Variants in PPP1R11 observed in about 807,000 individuals in gnomAD.
PPP1R11 encodes the protein protein phosphatase 1 regulatory inhibitor subunit 11.
Under a neutral mutation model 11.3 loss-of-function variants are expected in PPP1R11, and 10 were observed. The observed-to-expected ratio is 0.88, with a 90% CI of 0.55 to 1.50. PPP1R11 has a LOEUF of 1.50. Ranked by LOEUF, PPP1R11 falls within the 40% of genes most tolerant of loss-of-function variation. PPP1R11 has a pLI of 0.00. For synonymous variants in PPP1R11, 56 were observed against 62.3 expected (o/e 0.90, Z 0.48); for missense variants, 114 against 179.1 (o/e 0.64, Z 2.07).
chr6:30,067,588 G>A (rs1765634744), intron 1 of PPP1R11, 109 bp downstream of exon 1: 6 of 1,349,172 alleles, frequency 4.4e-6, no homozygotes, highest in Non-Finnish European at 5.3e-6. Flanking sequence ...GATATGGGAG[G>A]TGTGGGGTTG....
chr6:30,064,685 G>C, upstream of PPP1R11: 1 of 1,608,882 alleles, frequency 6.2e-7, no homozygotes, highest in Non-Finnish European at 8.5e-7. Flanking sequence ...TCCAGGAGAA[G>C]GAAGACTCTT....
upstream of PPP1R11, among the ~76,000 whole-genome samples, chr6:30,063,623 GCTGT>G (rs1389579463): frequency 1.3e-5 from 2 of 151,824 alleles, no homozygotes; most frequent in Non-Finnish European, 2.9e-5. The surrounding 1 kb of genome is among the most constrained non-coding windows in gnomAD (Gnocchi z 4.1). Context: ...TTTTGTTTCT[GCTGT>G]CTCTCTCATA....
upstream of PPP1R11, chr6:30,062,355 T>A (rs1765153118): frequency 6.7e-7 from 1 of 1,496,496 alleles, no homozygotes; most frequent in South Asian, 1.1e-5. Context: ...TTCCCCTCCC[T>A]CTGCTCAGTC....
chr6:30,063,672 T>C (rs1332543043), upstream of PPP1R11, among the ~76,000 whole-genome samples: 1 of 152,222 alleles, frequency 6.6e-6, no homozygotes, highest in African/African-American at 2.4e-5. The surrounding 1 kb of genome is among the most constrained non-coding windows in gnomAD (Gnocchi z 4.1). Context: ...TTTTTGACTA[T>C]AAATTCGAGT....
At chr6:30,062,693 G>C (rs746362792), upstream of PPP1R11, among the ~76,000 whole-genome samples, 19 of 126,708 alleles carry the variant, frequency 1.5e-4, no homozygotes, top group Non-Finnish European at 2.5e-4. Flanking sequence ...TGGGACCACA[G>C]ACACATGCCA....
chr6:30,068,569 T>C (rs753894681), intron 1 of PPP1R11, 21 bp from the exon 2 acceptor site: 1 of 1,598,274 alleles, frequency 6.3e-7, no homozygotes, highest in Non-Finnish European at 8.6e-7. Context: ...TAGATAGGTA[T>C]GCTCATCCTT....
intron 1 of PPP1R11, chr6:30,068,369 T>C (rs1765683150): frequency 2.5e-6 from 1 of 403,350 alleles, no homozygotes; most frequent in African/African-American, 2.1e-5. Context: ...GAATTGTGTC[T>C]TCTCTTATAC....
intron 2 of PPP1R11, 99 bp downstream of exon 2, chr6:30,068,797 G>A: frequency 9.3e-7 from 1 of 1,077,898 alleles, no homozygotes; most frequent in Non-Finnish European, 1.3e-6. Flanking sequence ...GCCCCCAGAT[G>A]TTCATAGTTC....
chr6:30,067,207 G>A lies in PPP1R11; in HGVS notation c.-204G>A. The A allele has an allele frequency of 1.9e-6, 1 of 539,172 alleles. No homozygotes were observed. Among genetic ancestry groups the A allele is most frequent in the Non-Finnish European group, 3.3e-6 (1 of 298,780 alleles). The allele number at this position is 539,172 out of a possible 1,614,324, so 33.4% of individuals were successfully genotyped here. A position where few individuals can be genotyped will look rare whatever the true frequency, so the allele number is the denominator to read the frequency against. On this transcript the variant is annotated 5_prime_UTR_variant, in exon 1 of 3. Transcript: ENST00000376772. Reference sequence around the variant, plus strand: ...GGGGACTGCAGTATGCGTCACACCCGGAAGCGGCGAGCCGGAAGTGGGGTT... The same window carrying A: ...GGGGACTGCAGTATGCGTCACACCCAGAAGCGGCGAGCCGGAAGTGGGGTT...
chr6:30,069,387 C>T lies in PPP1R11; in HGVS notation c.*81C>T. 2 of 1,107,972 alleles carry T rather than the reference C, an allele frequency of 1.8e-6. No homozygotes were observed. Among genetic ancestry groups the T allele is most frequent in the Non-Finnish European group, 2.6e-6 (2 of 777,022 alleles). The allele number at this position is 1,107,972 out of a possible 1,614,324, so 68.6% of individuals were successfully genotyped here. A position where few individuals can be genotyped will look rare whatever the true frequency, so the allele number is the denominator to read the frequency against. On this transcript the variant is annotated 3_prime_UTR_variant, in exon 3 of 3. Transcript: ENST00000376772. The surrounding 1 kb of genome is among the most constrained non-coding windows in gnomAD (Gnocchi z 6.6). ...GCTACTTCTCCAGCCCCCTCCTTCC[C>T]TCTCTTCTGCCTGATAGAGGGAAGA...
In PPP1R11 at chr6:30,069,001, G is replaced by A; in HGVS notation, c.179-103G>A. 4 of 1,219,362 alleles carry A rather than the reference G, an allele frequency of 3.3e-6. No individual in the cohort carries two copies. The highest frequency in any genetic ancestry group is 1.4e-5 in the South Asian group (1 of 71,476). 75.5% of individuals were successfully genotyped at this position (1,219,362 alleles called of 1,614,324 possible). A position where few individuals can be genotyped will look rare whatever the true frequency, so the allele number is the denominator to read the frequency against. The stretch of plus-strand genomic sequence containing the variant: ...GGCCTGGGGAAGCTGGATCCTGGAA[G>A]GTAGGAGAAAATAGGAATTTTCACT... On this transcript the variant is annotated intron_variant, in intron 2 of 2. Coordinates refer to ENST00000376772, the MANE Select transcript of PPP1R11 (RefSeq NM_021959.3). The surrounding 1 kb of genome is among the most constrained non-coding windows in gnomAD (Gnocchi z 6.6).
chr6:30,069,653 C>T lies in PPP1R11; in HGVS notation c.*347C>T, dbSNP rs1178880829. ...GTAGCGAACACTTAAATTGGGTTTT[C>T]AACAGTCCCAGCTTTCACTGCCAGG... On this transcript the variant is annotated 3_prime_UTR_variant, in exon 3 of 3. Coordinates refer to ENST00000376772, the MANE Select transcript of PPP1R11 (RefSeq NM_021959.3). The surrounding 1 kb of genome is among the most constrained non-coding windows in gnomAD (Gnocchi z 6.6). 3.4e-6 allele frequency: 1 copy of T among 293,748 alleles called. No homozygotes were observed. Among genetic ancestry groups the T allele is most frequent in the Non-Finnish European group, 6.3e-6 (1 of 159,358 alleles). 18.2% of individuals were successfully genotyped at this position (293,748 alleles called of 1,614,324 possible). A position where few individuals can be genotyped will look rare whatever the true frequency, so the allele number is the denominator to read the frequency against.
At chr6:30,068,264 A>G (rs996911030) in intron 1 of PPP1R11, 4 of 199,914 alleles carry the variant, frequency 2.0e-5, no homozygotes, top group Non-Finnish European at 3.0e-5. Context: ...ATTTTCATGT[A>G]TTAATACTAC....
the PPP1R11 span, chr6:30,061,693 C>T: frequency 3.7e-6 from 6 of 1,612,014 alleles, 1 homozygote; most frequent in South Asian, 3.3e-5. The surrounding 1 kb of genome is among the most constrained non-coding windows in gnomAD (Gnocchi z 5.0). Flanking sequence ...ACGCAGGGGT[C>T]CTGGCGGAGG....
At chr6:30,062,722 T>C (rs1434593925), upstream of PPP1R11, among the ~76,000 whole-genome samples, 2 of 107,390 alleles carry the variant, frequency 1.9e-5, no homozygotes, top group African/African-American at 3.5e-5. Context: ...GGCTTTTTTT[T>C]TTTTTTTTTT....
upstream of PPP1R11, chr6:30,064,964 A>G: frequency 2.8e-6 from 1 of 363,184 alleles, no homozygotes; most frequent in Non-Finnish European, 4.9e-6. Context: ...ATGAGTTTCC[A>G]GAGATATATT....
upstream of PPP1R11, chr6:30,064,736 C>G: frequency 6.3e-7 from 1 of 1,596,696 alleles, no homozygotes; most frequent in Non-Finnish European, 8.5e-7. Flanking sequence ...TCCCTCCTTT[C>G]GGAAGGTGAA....
In PPP1R11 at chr6:30,069,349, A is replaced by G; in HGVS notation, c.*43A>G. 6.9e-7 allele frequency: 1 copy of G among 1,440,554 alleles called. No individual in the cohort carries two copies. The highest frequency in any genetic ancestry group is 9.4e-7 in the Non-Finnish European group (1 of 1,059,128). 89.2% of individuals were successfully genotyped at this position (1,440,554 alleles called of 1,614,324 possible). On this transcript the variant is annotated 3_prime_UTR_variant, in exon 3 of 3. Coordinates refer to ENST00000376772, the MANE Select transcript of PPP1R11 (RefSeq NM_021959.3). The surrounding 1 kb of genome is among the most constrained non-coding windows in gnomAD (Gnocchi z 6.6). ...CATTCCTGTGTCTGTCTGGCCCTAA[A>G]TGTATCCATGTGGCTACTTCTCCAG...
At chr6:30,063,830 A>G (rs1448978015), upstream of PPP1R11, among the ~76,000 whole-genome samples, 2 of 152,210 alleles carry the variant, frequency 1.3e-5, no homozygotes, top group East Asian at 3.8e-4. The surrounding 1 kb of genome is among the most constrained non-coding windows in gnomAD (Gnocchi z 4.1). Flanking sequence ...TTTGGAGCAG[A>G]CAGATAGTAT....
Sources: allele counts gnomAD v4.1 joint callset (sites outside exome capture counted in the v4.1 genomes callset), GRCh38; gene constraint gnomAD v4.1.1; non-coding constraint Gnocchi (gnomAD v3.1); transcripts MANE v1.5; gene names NCBI Gene and HGNC (gene_info 2026-07-23, HGNC 2026-07-21).